PCDH15: variants seen among roughly 807,000 people sequenced by gnomAD.
PCDH15 encodes protocadherin related 15, also known as protocadherin-15.
In PCDH15, 129 loss-of-function variants were observed where a neutral mutation model predicts 178.5. That is an observed-to-expected ratio of 0.72 (90% CI 0.63 to 0.84). PCDH15 has a LOEUF of 0.84. PCDH15 is among the 40% of genes least tolerant of loss of function. The pLI is 0.00. For missense variants in PCDH15, 2,230 were observed against 2,099.9 expected, an observed-to-expected ratio of 1.06 and a Z score of -1.21; for synonymous variants, 800 against 732.0, an observed-to-expected ratio of 1.09 and a Z score of -1.50.
intron 3 of PCDH15, among the ~76,000 whole-genome samples, chr10:54,389,812 C>A (rs1950333478): frequency 1.3e-5 from 2 of 150,642 alleles, no homozygotes; most frequent in South Asian, 4.2e-4. Flanking sequence ...ATTAACCAGG[C>A]ATGGTGGTGG....
chr10:55,244,574 C>T (rs11004784), intron 1 of PCDH15, among the ~76,000 whole-genome samples: 68,982 of 150,320 alleles, frequency 0.46, 15,641 homozygotes, highest in Middle Eastern at 0.56. Flanking sequence ...TGAACTTATA[C>T]ACACACACAC....
At chr10:55,164,709 A>C (rs982893319) in intron 2 of PCDH15, among the ~76,000 whole-genome samples, 4 of 152,114 alleles carry the variant, frequency 2.6e-5, no homozygotes, top group African/African-American at 9.6e-5. Flanking sequence ...GAAATCACAA[A>C]ATCTCAAAAA....
chr10:54,898,170 G>C (rs1954578438), intron 2 of PCDH15, among the ~76,000 whole-genome samples: 1 of 152,110 alleles, frequency 6.6e-6, no homozygotes, highest in South Asian at 2.1e-4. Context: ...TGTACAGACT[G>C]CAGAACCATG....
At chr10:54,315,275 TC>T (rs1416095917) in intron 8 of PCDH15, among the ~76,000 whole-genome samples, 1 of 152,344 alleles carries the variant, frequency 6.6e-6, no homozygotes, top group East Asian at 1.9e-4. Flanking sequence ...GATTTGCATT[TC>T]TCTAACGATT....
At chr10:54,649,768 G>C (rs1351868236) in intron 2 of PCDH15, among the ~76,000 whole-genome samples, 2 of 151,810 alleles carry the variant, frequency 1.3e-5, no homozygotes, top group Admixed American at 1.3e-4. Context: ...ACTGTGGGGT[G>C]GGTAATATCT....
At chr10:54,923,208 G>A (rs1460588749) in intron 2 of PCDH15, among the ~76,000 whole-genome samples, 1 of 138,322 alleles carries the variant, frequency 7.2e-6, no homozygotes, top group Non-Finnish European at 1.7e-5. Flanking sequence ...AGCTGGATTG[G>A]CTGTGATGCT....
At chr10:54,190,561 C>T (rs2048896685) in intron 11 of PCDH15, among the ~76,000 whole-genome samples, 1 of 152,102 alleles carries the variant, frequency 6.6e-6, no homozygotes, top group Admixed American at 6.6e-5. Context: ...AACCACCATG[C>T]CTGGCTAAGT....
At chr10:55,494,168 TTG>T (rs1251181343) in intron 2 of PCDH15, among the ~76,000 whole-genome samples, 2 of 151,830 alleles carry the variant, frequency 1.3e-5, no homozygotes, top group Non-Finnish European at 2.9e-5. Flanking sequence ...CTTCATTTTC[TTG>T]TCAATCTTCA....
intron 2 of PCDH15, among the ~76,000 whole-genome samples, chr10:55,360,592 T>C (rs538864005): frequency 6.6e-6 from 1 of 151,952 alleles, no homozygotes; most frequent in Admixed American, 6.6e-5. Flanking sequence ...AAATGGATAA[T>C]ACACATATAT....
intron 2 of PCDH15, among the ~76,000 whole-genome samples, chr10:54,529,422 GA>G: frequency 6.6e-6 from 1 of 152,024 alleles, no homozygotes; most frequent in Non-Finnish European, 1.5e-5. Flanking sequence ...CCTTTCATGA[GA>G]ATGATTTTCA....
intron 7 of PCDH15, among the ~76,000 whole-genome samples, chr10:54,322,573 G>A (rs1238002171): frequency 6.6e-6 from 1 of 151,802 alleles, no homozygotes; most frequent in African/African-American, 2.4e-5. Flanking sequence ...TTCCAAGATC[G>A]AATCAGGAAA....
intron 2 of PCDH15, among the ~76,000 whole-genome samples, chr10:54,905,980 C>A (rs1954713174): frequency 6.6e-6 from 1 of 152,044 alleles, no homozygotes; most frequent in Non-Finnish European, 1.5e-5. Flanking sequence ...CATCTGGTAA[C>A]AATGTACAAT....
intron 4 of PCDH15, among the ~76,000 whole-genome samples, chr10:54,370,868 G>T (rs913623114): frequency 6.6e-6 from 1 of 151,652 alleles, no homozygotes; most frequent in Non-Finnish European, 1.5e-5. Flanking sequence ...ATATTTTTAT[G>T]GCCAACAAAG....
At chr10:55,363,706 G>C (rs1845286967) in intron 2 of PCDH15, among the ~76,000 whole-genome samples, 7 of 152,004 alleles carry the variant, frequency 4.6e-5, no homozygotes, top group Admixed American at 4.6e-4. Flanking sequence ...CGCGATATCG[G>C]CTCACTGCAA....
At chr10:54,853,494 C>T (rs1953681642) in intron 3 of PCDH15, among the ~76,000 whole-genome samples, 1 of 144,072 alleles carries the variant, frequency 6.9e-6, no homozygotes, top group Non-Finnish European at 1.5e-5. Flanking sequence ...CAAATAACTG[C>T]TCCCATTGTT....
intron 25 of PCDH15, among the ~76,000 whole-genome samples, chr10:53,937,223 A>C (rs535582739): frequency 1.3e-5 from 2 of 152,274 alleles, no homozygotes; most frequent in South Asian, 4.1e-4. Flanking sequence ...ATAAGAACTT[A>C]ATGCACCTCT....
At chr10:54,583,142 C>T (rs912698745) in intron 2 of PCDH15, among the ~76,000 whole-genome samples, 2 of 152,020 alleles carry the variant, frequency 1.3e-5, no homozygotes, top group African/African-American at 2.4e-5. Context: ...ATAATGTATG[C>T]ACCCCTAAAC....
chr10:54,165,461 C>A (rs576037213), intron 13 of PCDH15, among the ~76,000 whole-genome samples: 4 of 152,226 alleles, frequency 2.6e-5, no homozygotes, highest in South Asian at 4.1e-4. Flanking sequence ...TAAAGCATTT[C>A]TTTTCACAGC....
chr10:55,553,645 A>T (rs2132090489), intron 2 of PCDH15, among the ~76,000 whole-genome samples: 1 of 152,018 alleles, frequency 6.6e-6, no homozygotes, highest in South Asian at 2.1e-4. Flanking sequence ...AGCTGTGAGA[A>T]CAAGGATCAG....
Sources: gnomAD v4.1 joint callset for allele counts (sites outside exome capture counted in the v4.1 genomes callset) on GRCh38, gnomAD v4.1.1 for gene constraint, MANE v1.5 for transcripts, NCBI Gene and HGNC (gene_info 2026-07-23, HGNC 2026-07-21) for gene names.